The following DOCK1 variants were observed in gnomAD, a reference collection of about 807,000 sequenced individuals.
DOCK1 encodes the protein dedicator of cytokinesis protein 1.
DOCK1 carries 138 observed loss-of-function variants against 262.7 expected under a neutral mutation model. That is an observed-to-expected ratio of 0.53 (90% CI 0.46 to 0.61). The LOEUF is 0.61. Among genes scored for constraint, DOCK1 ranks in the 20% least tolerant of loss-of-function variants. The pLI, the probability that DOCK1 is intolerant of heterozygous loss-of-function variation, is 0.00. For missense variants in DOCK1, 1,908 were observed against 2,370.7 expected, an observed-to-expected ratio of 0.80 and a Z score of 4.05; for synonymous variants, 866 against 867.4, an observed-to-expected ratio of 1.00 and a Z score of 0.03.
intron 1 of DOCK1, among the ~76,000 whole-genome samples, chr10:126,939,858 G>A (rs1444072030): frequency 2.0e-5 from 3 of 152,124 alleles, no homozygotes; most frequent in Non-Finnish European, 4.4e-5. Flanking sequence ...TCCCTCTCTC[G>A]GCAGCTGTAA....
intron 12 of DOCK1, among the ~76,000 whole-genome samples, chr10:127,013,274 G>T (rs1315844792): frequency 6.6e-6 from 1 of 151,980 alleles, no homozygotes; most frequent in Non-Finnish European, 1.5e-5. Flanking sequence ...ATGAGATGTG[G>T]CCTCTGCAGA....
chr10:127,248,190 A>G, intron 28 of DOCK1, 81 bp downstream of exon 28: 1 of 1,220,320 alleles, frequency 8.2e-7, no homozygotes, highest in South Asian at 1.3e-5. Context: ...CAATATATTC[A>G]TTTAAAATAG....
At chr10:127,296,234 A>G (rs938750661) in intron 29 of DOCK1, among the ~76,000 whole-genome samples, 3 of 152,208 alleles carry the variant, frequency 2.0e-5, no homozygotes, top group Non-Finnish European at 4.4e-5. Context: ...TGTTTTTCAC[A>G]TAGATTCTTA....
intron 25 of DOCK1, among the ~76,000 whole-genome samples, chr10:127,111,897 G>A (rs2048888724): frequency 6.6e-6 from 1 of 152,212 alleles, no homozygotes; most frequent in Middle Eastern, 3.4e-3. Flanking sequence ...TTGATTTAAC[G>A]AAGATCTTCT....
At chr10:127,339,255 A>T (rs935481491) in intron 30 of DOCK1, among the ~76,000 whole-genome samples, 171 bp downstream of exon 30, 2 of 152,340 alleles carry the variant, frequency 1.3e-5, no homozygotes, top group Non-Finnish European at 2.9e-5. Context: ...AGTGAAAATT[A>T]TACTTTTGGA....
At chr10:127,397,913 CTCCTGGATGACACAAATAG>C (rs1266609725) in intron 38 of DOCK1, among the ~76,000 whole-genome samples, 52 of 152,282 alleles carry the variant, frequency 3.4e-4, no homozygotes, top group Non-Finnish European at 5.4e-4. Flanking sequence ...TGGGTCATGG[CTCCTGGATGACACAAATAG>C]TGGCTCCTGG....
rs1233839134 is a variant in DOCK1, at chr10:126,967,607, G to A, written c.47-3095G>A. Among the ~76,000 whole-genome samples, 4 of 151,846 alleles carry A rather than the reference G, an allele frequency of 2.6e-5. No homozygotes were observed. In the South Asian group the frequency reaches 6.2e-4, roughly 24 times the overall value. On this transcript the variant is annotated intron_variant, in intron 1 of 51. Transcript: ENST00000623213. ...AGGTGTCAGTGGCCCATGCTCCCACGGGGCTGTGGGGGAGTCTGCGCTTCC... is the reference window on the plus strand; with the variant it reads ...AGGTGTCAGTGGCCCATGCTCCCACAGGGCTGTGGGGGAGTCTGCGCTTCC...
At chr10:127,236,202 C>A (rs2059043025) in intron 27 of DOCK1, among the ~76,000 whole-genome samples, 1 of 152,084 alleles carries the variant, frequency 6.6e-6, no homozygotes, top group South Asian at 2.1e-4. Context: ...GCCTAGGTCA[C>A]AAAAGTTTTC....
intron 27 of DOCK1, among the ~76,000 whole-genome samples, chr10:127,172,985 G>A (rs2054723249): frequency 6.6e-6 from 1 of 152,204 alleles, no homozygotes; most frequent in Non-Finnish European, 1.5e-5. Context: ...GCCACGTGCA[G>A]CTAGTGGCCA....
At chr10:127,384,519 T>G (rs1353377995) in intron 37 of DOCK1, among the ~76,000 whole-genome samples, 1 of 152,182 alleles carries the variant, frequency 6.6e-6, no homozygotes, top group East Asian at 1.9e-4. Context: ...TTAGGAGGTG[T>G]CATTTGCAAG....
chr10:127,170,977 A>G (rs529392404), intron 27 of DOCK1, among the ~76,000 whole-genome samples: 16 of 152,312 alleles, frequency 1.1e-4, no homozygotes, highest in Middle Eastern at 3.4e-3. Context: ...TGCACATCTA[A>G]CCTACTTGCA....
intron 1 of DOCK1, among the ~76,000 whole-genome samples, chr10:126,941,786 A>AAC (rs1442317822): frequency 6.6e-6 from 1 of 151,888 alleles, no homozygotes; most frequent in African/African-American, 2.4e-5. Context: ...AACAAAACAA[A>AAC]AAAAACAGCA....
chr10:126,948,698 G>A (rs2035857642), intron 1 of DOCK1, among the ~76,000 whole-genome samples: 1 of 151,974 alleles, frequency 6.6e-6, no homozygotes, highest in South Asian at 2.1e-4. Context: ...TCACCTCTCG[G>A]AGCCTGTGAT....
At chr10:127,222,623 TTTGTTTTGTG>T (rs1262962655) in intron 27 of DOCK1, among the ~76,000 whole-genome samples, 1 of 133,382 alleles carries the variant, frequency 7.5e-6, no homozygotes, top group African/African-American at 2.8e-5. Flanking sequence ...CTCCTGTGTT[TTTGTTTTGTG>T]TTGTGTTGTG....
intron 27 of DOCK1, among the ~76,000 whole-genome samples, chr10:127,143,908 A>C (rs2051525756): frequency 6.6e-6 from 1 of 152,122 alleles, no homozygotes; most frequent in Admixed American, 6.5e-5. Flanking sequence ...CATGTCCAGA[A>C]CCAGATCTTT....
intron 23 of DOCK1, among the ~76,000 whole-genome samples, chr10:127,068,225 G>A (rs2045988073): frequency 6.6e-6 from 1 of 152,128 alleles, no homozygotes; most frequent in Admixed American, 6.6e-5. Context: ...TTCCTTATGA[G>A]GAGTTTTTGC....
chr10:127,286,387 C>A (rs1384743709), intron 29 of DOCK1, among the ~76,000 whole-genome samples: 1 of 152,156 alleles, frequency 6.6e-6, no homozygotes, highest in Non-Finnish European at 1.5e-5. Context: ...TTGAAGGTAA[C>A]ATATCTTTTT....
At chr10:127,429,794 G>T (rs2069155740) in intron 47 of DOCK1, among the ~76,000 whole-genome samples, 1 of 152,184 alleles carries the variant, frequency 6.6e-6, no homozygotes, top group Non-Finnish European at 1.5e-5. Flanking sequence ...TTCGGCATTG[G>T]CCCCCGTGCC....
At chr10:126,908,221 C>T (rs551884446) in intron 1 of DOCK1, among the ~76,000 whole-genome samples, 1 of 152,332 alleles carries the variant, frequency 6.6e-6, no homozygotes, top group African/African-American at 2.4e-5. Flanking sequence ...TTTAGTGGTT[C>T]TCACGAAGGA....
Sources: allele counts gnomAD v4.1 joint callset (sites outside exome capture counted in the v4.1 genomes callset), GRCh38; gene constraint gnomAD v4.1.1; transcripts MANE v1.5; gene names NCBI Gene and HGNC (gene_info 2026-07-23, HGNC 2026-07-21).